SNORC: variants seen among roughly 807,000 people sequenced by gnomAD.
The protein encoded by SNORC is secondary ossification center associated regulator of chondrocyte maturation.
In SNORC, 11 loss-of-function variants were observed where a neutral mutation model predicts 9.7. That is an observed-to-expected ratio of 1.14 (90% CI 0.72 to 1.88). The LOEUF is 1.88. Among genes scored for constraint, SNORC ranks in the 40% most tolerant of loss-of-function variants. The probability of loss-of-function intolerance (pLI) is 0.00; values close to 1 mark genes in which losing one functional copy is unlikely to be tolerated. For synonymous variants in SNORC, 108 were observed against 88.7 expected (o/e 1.22, Z -1.22); for missense variants, 197 against 173.1 (o/e 1.14, Z -0.77).
At chr2:232,873,745 C>A (rs1691115200) in intron 1 of SNORC, among the ~76,000 whole-genome samples, 1 of 152,202 alleles carries the variant, frequency 6.6e-6, no homozygotes. Context: ...ACGCCAGGGG[C>A]CTGGGGCCTT....
chr2:232,876,598 G>A, downstream of SNORC: 3 of 1,107,138 alleles, frequency 2.7e-6, no homozygotes, highest in Non-Finnish European at 3.3e-6. The surrounding 1 kb of genome is among the most constrained non-coding windows in gnomAD (Gnocchi z 6.8). Context: ...CAGCATGTCC[G>A]AGCCCGCCTG....
At chr2:232,876,538 G>C, downstream of SNORC, 5 of 1,200,064 alleles carry the variant, frequency 4.2e-6, no homozygotes, top group Non-Finnish European at 5.2e-6. This position sits in a 1 kb window ranked among gnomAD's most constrained non-coding sequence, Gnocchi z 6.8. Flanking sequence ...GCGCGGGTCC[G>C]GAGGCGCGCC....
chr2:232,872,225 C>T (rs1458374510), intron 1 of SNORC, among the ~76,000 whole-genome samples: 2 of 152,116 alleles, frequency 1.3e-5, no homozygotes, highest in African/African-American at 4.8e-5. Context: ...AAGGAGCGGC[C>T]TTGTGGGCTG....
chr2:232,873,867 G>T (rs555507469), intron 1 of SNORC, among the ~76,000 whole-genome samples: 1 of 152,382 alleles, frequency 6.6e-6, no homozygotes, highest in African/African-American at 2.4e-5. Context: ...CGGGAGGCTA[G>T]AGAGACATCA....
chr2:232,875,345 AAG>A (rs35523521), intron 1 of SNORC: 512 of 207,706 alleles, frequency 2.5e-3, no homozygotes, highest in South Asian at 9.9e-3. Flanking sequence ...CTGTTTCAAA[AAG>A]AGAGAGAGAG....
chr2:232,871,982 G>T (rs1574970832), intron 1 of SNORC, among the ~76,000 whole-genome samples: 1 of 152,200 alleles, frequency 6.6e-6, no homozygotes, highest in Admixed American at 6.5e-5. Flanking sequence ...ATGCCTTGGG[G>T]ACAGCCAGGA....
chr2:232,873,712 A>T (rs1691114125), intron 1 of SNORC, among the ~76,000 whole-genome samples: 4 of 152,340 alleles, frequency 2.6e-5, no homozygotes. Flanking sequence ...TTACCTGCCC[A>T]GCCCCCAGAA....
chr2:232,870,289 C>T, exon 1 of SNORC: 1 of 1,479,212 alleles, frequency 6.8e-7, no homozygotes, highest in South Asian at 1.2e-5. Flanking sequence ...CTGAAGTTAA[C>T]CAGCGCAGTC....
chr2:232,875,876 TG>T (rs1333903342), intron 1 of SNORC, 63 bp from the exon 2 acceptor site: 15 of 1,480,152 alleles, frequency 1.0e-5, no homozygotes, highest in Non-Finnish European at 9.9e-6. Flanking sequence ...AACCTAGAGG[TG>T]GGGGGTGACG....
chr2:232,876,146 G>A lies in SNORC; in HGVS notation c.256+24G>A. 2 of 1,471,324 alleles carry A rather than the reference G, an allele frequency of 1.4e-6. No homozygotes were observed. Among genetic ancestry groups the A allele is most frequent in the South Asian group, 1.3e-5 (1 of 78,384 alleles). The allele number at this position is 1,471,324 out of a possible 1,614,324, so 91.1% of individuals were successfully genotyped here. ...CGGTACGGGCGGGGCGGGGGAGGGA[G>A]GGGAGAGGGAGAAATTAGGAGGGGC... On this transcript the variant is annotated intron_variant, in intron 2 of 2. Coordinates refer to ENST00000331342, the Ensembl canonical transcript of SNORC. The surrounding 1 kb of genome is among the most constrained non-coding windows in gnomAD (Gnocchi z 6.8).
Position 232,876,031 on chromosome 2 carries a change from C to A in SNORC, c.165C>A (p.Gly55=). The A allele has an allele frequency of 6.5e-7, 1 of 1,545,194 alleles. No homozygotes were observed. The highest frequency in any genetic ancestry group is 2.4e-5 in the East Asian group (1 of 41,124). Residue 55 remains glycine, a synonymous_variant, in exon 2 of 3, where the codon GGC becomes GGA. Transcript: ENST00000331342. This position sits in a 1 kb window ranked among gnomAD's most constrained non-coding sequence, Gnocchi z 6.8. ...GCCCCGTGGAGAGCACCAGCCCCGG[C>A]CGGGAGCCCGTGGACACCGGTCCCC...
At chr2:232,876,962 G>C, downstream of SNORC, 2 of 985,560 alleles carry the variant, frequency 2.0e-6, no homozygotes, top group South Asian at 9.4e-5. This position sits in a 1 kb window ranked among gnomAD's most constrained non-coding sequence, Gnocchi z 6.8. Context: ...GAGACCCCGG[G>C]GCCCGCCGCT....
At chr2:232,877,769 A>ATGAT (rs1343292541), downstream of SNORC, 2 of 152,262 alleles carry the variant, frequency 1.3e-5, no homozygotes. Flanking sequence ...TGTGAGTTCA[A>ATGAT]TGATTCTGCT....
At chr2:232,877,263 C>T, downstream of SNORC, 2 of 985,466 alleles carry the variant, frequency 2.0e-6, no homozygotes, top group South Asian at 4.7e-5. Flanking sequence ...ACGGCTTTCC[C>T]AGCTCTACTC....
At chr2:232,875,916 C>T (rs1366386962) in intron 1 of SNORC, 24 bp from the exon 2 acceptor site, 3 of 1,536,268 alleles carry the variant, frequency 2.0e-6, no homozygotes, top group Non-Finnish European at 8.8e-7. Context: ...CCTGGGGCCC[C>T]AGCACCTCTC....
In SNORC at chr2:232,875,923, T is replaced by A; in HGVS notation, c.74-17T>A. 6.5e-7 allele frequency: 1 copy of A among 1,539,410 alleles called. No individual in the cohort carries two copies. Among genetic ancestry groups the A allele is most frequent in the Non-Finnish European group, 8.7e-7 (1 of 1,143,204 alleles). ...CCCCGTCACCTGGGGCCCCAGCACC[T>A]CTCCTTGGCTTTGCAGACGATGTTC... On this transcript the variant is annotated splice_polypyrimidine_tract_variant and intron_variant, in intron 1 of 2. Coordinates refer to ENST00000331342, the Ensembl canonical transcript of SNORC.
At chr2:232,869,132 C>T (rs1330291778), upstream of SNORC, 1 of 152,122 alleles carries the variant, frequency 6.6e-6, no homozygotes, top group African/African-American at 2.4e-5. Context: ...TATAAATACG[C>T]ATGCTAAAAA....
rs953996077 is a variant in SNORC at position 232,876,374 on chromosome 2, C to A, written c.*18C>A. 1 of 1,515,504 alleles carries A rather than the reference C, an allele frequency of 6.6e-7. No homozygotes were observed. The highest frequency in any genetic ancestry group is 1.4e-5 in the African/African-American group (1 of 69,224). The allele number at this position is 1,515,504 out of a possible 1,614,324, so 93.9% of individuals were successfully genotyped here. ...CCTCCTGAAGCGAATAAAGGGGCCG[C>A]GCCCGGCCGCGGCGCGACTCGGCTG... is the stretch of plus-strand genomic sequence containing the variant. On this transcript the variant is annotated 3_prime_UTR_variant, in exon 3 of 3. Transcript: ENST00000331342. The surrounding 1 kb of genome is among the most constrained non-coding windows in gnomAD (Gnocchi z 6.8).
chr2:232,866,568 C>CT (rs1244552464), upstream of SNORC, among the ~76,000 whole-genome samples: 4 of 152,086 alleles, frequency 2.6e-5, no homozygotes, highest in East Asian at 3.8e-4. Context: ...TACCAAGAAT[C>CT]TAAGTTTTTA....
Sources: gnomAD v4.1 joint callset for allele counts (sites outside exome capture counted in the v4.1 genomes callset) on GRCh38, gnomAD v4.1.1 for gene constraint, Gnocchi (gnomAD v3.1) non-coding constraint, MANE v1.5 for transcripts, NCBI Gene and HGNC (gene_info 2026-07-23, HGNC 2026-07-21) for gene names.